Variants in IMMP2L observed in about 807,000 individuals in gnomAD.
IMMP2L encodes the protein inner mitochondrial membrane peptidase subunit 2.
IMMP2L carries 18 observed loss-of-function variants against 19.3 expected under a neutral mutation model. The observed-to-expected ratio is 0.93, with a 90% CI of 0.64 to 1.38. The LOEUF (loss-of-function observed/expected upper bound fraction) is 1.38, where lower values mean the gene tolerates loss of function less well. Among genes scored for constraint, IMMP2L ranks in the 40% most tolerant of loss-of-function variants. IMMP2L has a pLI of 0.00. For missense variants in IMMP2L, 233 were observed against 218.2 expected (o/e 1.07, Z -0.43); for synonymous variants, 76 against 73.0 (o/e 1.04, Z -0.21).
At chr7:110,956,563 C>G (rs1818375409) in intron 4 of IMMP2L, among the ~76,000 whole-genome samples, 1 of 151,936 alleles carries the variant, frequency 6.6e-6, no homozygotes, top group Admixed American at 6.6e-5. Flanking sequence ...CTTGTTTTGG[C>G]AGTCCCAGTT....
chr7:111,253,204 A>G (rs1228772209), intron 3 of IMMP2L, among the ~76,000 whole-genome samples: 2 of 152,194 alleles, frequency 1.3e-5, no homozygotes, highest in Non-Finnish European at 2.9e-5. Context: ...ATTTCTCCAA[A>G]CACAAACTAC....
At chr7:111,260,731 CTT>C (rs2129763889) in intron 3 of IMMP2L, among the ~76,000 whole-genome samples, 1 of 152,044 alleles carries the variant, frequency 6.6e-6, no homozygotes, top group South Asian at 2.1e-4. Context: ...GAGGAAGAAA[CTT>C]TCTCTAAAGG....
In IMMP2L at chr7:111,404,807, A is replaced by T. The variant is rs117847834; in HGVS notation, c.239+82431T>A. Among the ~76,000 whole-genome samples, 1,307 of 152,200 alleles carry T rather than the reference A, an allele frequency of 8.6e-3. 9 individuals are homozygous for T. Among genetic ancestry groups the T allele is most frequent in the Middle Eastern group, 0.014 (4 of 294 alleles). On this transcript the variant is annotated intron_variant, in intron 3 of 5. Transcript: ENST00000405709. Reference sequence around the variant, plus strand: ...TTCTTAAATTAATTCAGTGACCTACAGTAATGTGAGTTCTTGGTACATAAT... The same window carrying T: ...TTCTTAAATTAATTCAGTGACCTACTGTAATGTGAGTTCTTGGTACATAAT...
intron 3 of IMMP2L, among the ~76,000 whole-genome samples, chr7:110,967,710 A>G (rs1195833565): frequency 6.6e-6 from 1 of 152,066 alleles, no homozygotes; most frequent in Non-Finnish European, 1.5e-5. Context: ...GATGGCTTCT[A>G]TTACAAGAGA....
At chr7:111,460,847 A>C (rs922168029) in intron 3 of IMMP2L, among the ~76,000 whole-genome samples, 1 of 152,104 alleles carries the variant, frequency 6.6e-6, no homozygotes, top group African/African-American at 2.4e-5. Context: ...AAAAGGAAAA[A>C]ATACACCCAC....
chr7:111,105,342 C>T (rs1396001984), intron 3 of IMMP2L, among the ~76,000 whole-genome samples: 4 of 151,868 alleles, frequency 2.6e-5, no homozygotes, highest in South Asian at 2.1e-4. Context: ...TCAGAAACTC[C>T]GAAATTATGC....
At chr7:110,946,373 T>A (rs1235566124) in intron 4 of IMMP2L, among the ~76,000 whole-genome samples, 7 of 152,312 alleles carry the variant, frequency 4.6e-5, no homozygotes, top group East Asian at 1.9e-4. Flanking sequence ...CTAGGTTTTT[T>A]AAATTTAAAA....
In IMMP2L at chr7:110,764,509, C is replaced by T. The variant is rs975147651; in HGVS notation, c.409-100788G>A. On this transcript the variant is annotated intron_variant, in intron 5 of 5. Transcript: ENST00000405709. ...TAATATTGTCTACATCAGTATATCA[C>T]GATTGAGCTTTTAAATAACTCACTG... Among the ~76,000 whole-genome samples the T allele has an allele frequency of 8.6e-5, 13 of 152,004 alleles. No homozygotes were observed. In the East Asian group the frequency reaches 1.4e-3, roughly 16 times the overall value.
chr7:111,303,560 C>CT (rs2130062049), intron 3 of IMMP2L, among the ~76,000 whole-genome samples: 1 of 152,146 alleles, frequency 6.6e-6, no homozygotes, highest in Admixed American at 6.6e-5. Context: ...TTTTGTGGGA[C>CT]TCCTTTCATA....
intron 2 of IMMP2L, among the ~76,000 whole-genome samples, chr7:111,488,474 T>C (rs953548429): frequency 3.1e-4 from 47 of 152,220 alleles, no homozygotes; most frequent in Admixed American, 2.2e-3. Context: ...CTTAGATTAA[T>C]AGTCTCCAAT....
chr7:111,082,511 G>C (rs141576334), intron 3 of IMMP2L, among the ~76,000 whole-genome samples: 25 of 152,218 alleles, frequency 1.6e-4, no homozygotes, highest in Middle Eastern at 3.4e-3. Context: ...CTCATGGTTT[G>C]AGCACTAGAC....
intron 3 of IMMP2L, among the ~76,000 whole-genome samples, chr7:111,131,485 A>G (rs1014623244): frequency 3.3e-5 from 5 of 152,044 alleles, no homozygotes; most frequent in African/African-American, 1.2e-4. Context: ...GAAAAGAAGG[A>G]AACATTCACT....
intron 3 of IMMP2L, among the ~76,000 whole-genome samples, chr7:111,022,178 C>T (rs992760909): frequency 6.6e-6 from 1 of 152,182 alleles, no homozygotes; most frequent in Non-Finnish European, 1.5e-5. Context: ...AAGCCAGAGC[C>T]ATTTTCTAAA....
chr7:110,960,236 T>C (rs1466262022), intron 4 of IMMP2L, among the ~76,000 whole-genome samples: 1 of 151,994 alleles, frequency 6.6e-6, no homozygotes, highest in Non-Finnish European at 1.5e-5. Flanking sequence ...ATTTAAAATG[T>C]ACAACTCAAT....
chr7:110,967,692 A>G (rs1819694524), intron 3 of IMMP2L, among the ~76,000 whole-genome samples: 1 of 152,072 alleles, frequency 6.6e-6, no homozygotes, highest in Admixed American at 6.6e-5. Flanking sequence ...AAAAACGAAT[A>G]TTCTGGGGAT....
chr7:110,690,058 G>A (rs2130532345), intron 5 of IMMP2L, among the ~76,000 whole-genome samples: 1 of 152,274 alleles, frequency 6.6e-6, no homozygotes, highest in Non-Finnish European at 1.5e-5. Flanking sequence ...AAAGTTTGCT[G>A]CTTAGCCTTT....
At chr7:110,925,608 T>C (rs1462966924) in intron 4 of IMMP2L, among the ~76,000 whole-genome samples, 2 of 152,090 alleles carry the variant, frequency 1.3e-5, no homozygotes, top group Non-Finnish European at 2.9e-5. Flanking sequence ...CAAGTATAGA[T>C]ACTTAAATGA....
chr7:111,201,207 C>T (rs1306666592), intron 3 of IMMP2L, among the ~76,000 whole-genome samples: 1 of 151,398 alleles, frequency 6.6e-6, no homozygotes. Context: ...AAATGCAAAG[C>T]ATGCCTACAT....
chr7:111,367,490 T>TA (rs1829885355), intron 3 of IMMP2L, among the ~76,000 whole-genome samples: 5 of 151,616 alleles, frequency 3.3e-5, no homozygotes, highest in Non-Finnish European at 7.4e-5. Context: ...TTTTTTTTTT[T>TA]AACACAACAT....
Sources: allele counts gnomAD v4.1 joint callset (sites outside exome capture counted in the v4.1 genomes callset), GRCh38; gene constraint gnomAD v4.1.1; transcripts MANE v1.5; gene names NCBI Gene and HGNC (gene_info 2026-07-23, HGNC 2026-07-21).